The following CLEC16A variants were observed in gnomAD, a reference collection of about 807,000 sequenced individuals.
The protein encoded by CLEC16A is C-type lectin domain containing 16A, also known as protein CLEC16A.
In CLEC16A, 51 loss-of-function variants were observed where a neutral mutation model predicts 109.5. That is an observed-to-expected ratio of 0.47 (90% CI 0.37 to 0.59). CLEC16A has a LOEUF of 0.59. Among genes scored for constraint, CLEC16A ranks in the 20% least tolerant of loss-of-function variants. CLEC16A has a pLI of 0.00. For synonymous variants in CLEC16A, 673 were observed against 564.2 expected (o/e 1.19, Z -2.73); for missense variants, 1,339 against 1,394.0 (o/e 0.96, Z 0.63).
chr16:11,018,297 A>AT (rs1454171181), intron 11 of CLEC16A, among the ~76,000 whole-genome samples: 2 of 151,888 alleles, frequency 1.3e-5, no homozygotes, highest in East Asian at 3.9e-4. Context: ...AAGAAAAAAA[A>AT]AAAAAAAACA....
intron 11 of CLEC16A, among the ~76,000 whole-genome samples, chr16:11,019,390 C>G (rs1271509951): frequency 1.3e-5 from 2 of 152,162 alleles, no homozygotes; most frequent in African/African-American, 2.4e-5. Context: ...AATGAGGTTC[C>G]TAATCTCTCT....
intron 23 of CLEC16A, among the ~76,000 whole-genome samples, chr16:11,171,775 C>T (rs1252588793): frequency 1.3e-5 from 2 of 152,230 alleles, no homozygotes; most frequent in African/African-American, 4.8e-5. Context: ...CTTCTGCATA[C>T]ACACAGTCAC....
At position 11,057,384 on chromosome 16, in the gene CLEC16A, C is replaced by T. The variant is rs915134708; in HGVS notation, c.1996-3518C>T. On this transcript the variant is annotated intron_variant, in intron 18 of 23. Transcript: ENST00000409790. ...CCGGTGCCATCCCGTTGTACCTGCA[C>T]GGTGGGTGCCCCATTTCCAGAACAC... is the stretch of plus-strand genomic sequence containing the variant. Among the ~76,000 whole-genome samples, 3 of 152,248 alleles carry T rather than the reference C, an allele frequency of 2.0e-5. No homozygotes were observed. The East Asian group carries it at 5.8e-4, about 29-fold the overall frequency.
chr16:11,134,182 AT>A (rs34036131), intron 22 of CLEC16A, among the ~76,000 whole-genome samples: 6,053 of 124,016 alleles, frequency 0.049, 135 homozygotes, highest in African/African-American at 0.12. Flanking sequence ...CCCTTTTCTG[AT>A]TTTTTTTTTT....
chr16:11,156,212 C>CA (rs1197599461), intron 22 of CLEC16A, among the ~76,000 whole-genome samples: 2 of 151,294 alleles, frequency 1.3e-5, no homozygotes. Flanking sequence ...AATACAAAAA[C>CA]AAAAAAAATT....
At chr16:11,082,172 A>G (rs907556602) in intron 19 of CLEC16A, among the ~76,000 whole-genome samples, 16 of 152,230 alleles carry the variant, frequency 1.1e-4, no homozygotes, top group African/African-American at 3.9e-4. Flanking sequence ...ACAAACCCAA[A>G]ATAACCTTAG....
intron 1 of CLEC16A, among the ~76,000 whole-genome samples, chr16:10,948,069 A>G (rs1230513816): frequency 2.0e-5 from 3 of 151,854 alleles, no homozygotes; most frequent in African/African-American, 7.3e-5. Flanking sequence ...AATTTTTTGT[A>G]TTTTTAGTAG....
chr16:11,008,662 A>T (rs1052134847), intron 11 of CLEC16A, among the ~76,000 whole-genome samples: 1 of 151,724 alleles, frequency 6.6e-6, no homozygotes, highest in African/African-American at 2.4e-5. Flanking sequence ...AAAATTTACC[A>T]TCTGAATCAT....
intron 11 of CLEC16A, among the ~76,000 whole-genome samples, chr16:11,003,737 A>ATTATCT (rs1324448204): frequency 6.6e-6 from 1 of 152,134 alleles, no homozygotes; most frequent in East Asian, 1.9e-4. Context: ...TGGAATTATT[A>ATTATCT]TTATCTTTAT....
intron 12 of CLEC16A, among the ~76,000 whole-genome samples, chr16:11,022,178 CTG>C (rs1161371784): frequency 1.3e-5 from 2 of 152,084 alleles, no homozygotes; most frequent in African/African-American, 2.4e-5. Context: ...TTCTGCTAGA[CTG>C]TGAGACTGAA....
At chr16:11,045,794 TC>T (rs2047606349) in intron 16 of CLEC16A, among the ~76,000 whole-genome samples, 1 of 152,214 alleles carries the variant, frequency 6.6e-6, no homozygotes, top group African/African-American at 2.4e-5. Context: ...CCCTGTACTT[TC>T]ATTATTCAAG....
intron 19 of CLEC16A, among the ~76,000 whole-genome samples, chr16:11,087,647 G>A (rs879277363): frequency 6.6e-6 from 1 of 152,234 alleles, no homozygotes; most frequent in Non-Finnish European, 1.5e-5. Flanking sequence ...TTCTATATCT[G>A]CCTCACCAAC....
At chr16:10,974,532 T>C (rs13339045) in intron 7 of CLEC16A, among the ~76,000 whole-genome samples, 11,376 of 152,170 alleles carry the variant, frequency 0.075, 1,490 homozygotes, top group African/African-American at 0.26. Flanking sequence ...TAGATGCCAG[T>C]AGCACCCCTC....
Position 11,174,666 on chromosome 16 carries a change from G to C in CLEC16A, c.2807-3669G>C, listed in dbSNP as rs1481550463. On this transcript the variant is annotated intron_variant, in intron 23 of 23. Transcript: ENST00000409790. The surrounding 1 kb of genome is among the most constrained non-coding windows in gnomAD (Gnocchi z 4.7). The stretch of plus-strand genomic sequence containing the variant: ...CCCCAGTTTAGGCCATGGGGGTTGG[G>C]CGGCAGTTGGCTGGCAAAGTGAGAA... 6.6e-6 allele frequency among the ~76,000 whole-genome samples: 1 copy of C among 152,270 alleles called. No individual in the cohort carries two copies. Among genetic ancestry groups the C allele is most frequent in the Non-Finnish European group, 1.5e-5 (1 of 68,046 alleles).
intron 21 of CLEC16A, 115 bp downstream of exon 21, chr16:11,124,061 T>A (rs375945354): frequency 9.3e-6 from 9 of 964,852 alleles, no homozygotes; most frequent in African/African-American, 6.6e-5. Flanking sequence ...CACGTATGAT[T>A]CAGGAATTGT....
intron 19 of CLEC16A, among the ~76,000 whole-genome samples, chr16:11,108,120 G>A (rs1428444301): frequency 6.6e-6 from 1 of 152,256 alleles, no homozygotes; most frequent in African/African-American, 2.4e-5. Context: ...CCAGCAGCTT[G>A]GAAGGGTAGC....
chr16:11,051,009 T>G (rs538334007), intron 17 of CLEC16A, among the ~76,000 whole-genome samples: 1 of 152,306 alleles, frequency 6.6e-6, no homozygotes, highest in East Asian at 1.9e-4. Context: ...GAGACTGTGT[T>G]CCCTCATCAG....
intron 11 of CLEC16A, among the ~76,000 whole-genome samples, chr16:11,007,465 C>T (rs1012491853): frequency 6.6e-6 from 1 of 152,150 alleles, no homozygotes; most frequent in Non-Finnish European, 1.5e-5. Flanking sequence ...AGATCTGAAT[C>T]CCAGCTCTGC....
At chr16:10,946,246 G>T (rs1481722556) in intron 1 of CLEC16A, among the ~76,000 whole-genome samples, 1 of 152,210 alleles carries the variant, frequency 6.6e-6, no homozygotes, top group Non-Finnish European at 1.5e-5. Flanking sequence ...GAAGGGAGAC[G>T]GGGCTGTGGA....
Sources: gnomAD v4.1 joint callset for allele counts (sites outside exome capture counted in the v4.1 genomes callset) on GRCh38, gnomAD v4.1.1 for gene constraint, Gnocchi (gnomAD v3.1) non-coding constraint, MANE v1.5 for transcripts, NCBI Gene and HGNC (gene_info 2026-07-23, HGNC 2026-07-21) for gene names.